The following OSBPL7 variants were observed in gnomAD, a reference collection of about 807,000 sequenced individuals.
OSBPL7 encodes oxysterol binding protein like 7.
A neutral mutation model predicts 115.8 loss-of-function variants in OSBPL7; 66 were observed. The ratio of observed to expected loss-of-function variants is 0.57; its 90% CI spans 0.47 to 0.70. The LOEUF is 0.70. Ranked by LOEUF, OSBPL7 falls within the 30% of genes least tolerant of loss-of-function variation. The pLI, the probability that OSBPL7 is intolerant of heterozygous loss-of-function variation, is 0.00. For missense variants in OSBPL7, 902 were observed against 1,125.5 expected, an observed-to-expected ratio of 0.80 and a Z score of 2.84; for synonymous variants, 441 against 439.2, an observed-to-expected ratio of 1.00 and a Z score of -0.05.
chr17:47,808,779 G>C lies in OSBPL7; in HGVS notation c.2297+85C>G, dbSNP rs775550646. 29 of 1,603,618 alleles carry C rather than the reference G, an allele frequency of 1.8e-5. No homozygotes were observed. Among genetic ancestry groups the C allele is most frequent in the Non-Finnish European group, 2.3e-5 (27 of 1,172,654 alleles). On this transcript the variant is annotated intron_variant, in intron 21 of 22. Coordinates refer to ENST00000007414, the MANE Select transcript of OSBPL7 (RefSeq NM_145798.3). This position sits in a 1 kb window ranked among gnomAD's most constrained non-coding sequence, Gnocchi z 6.1. ...AGCCCCACTTCTCTGAGGCCACTCA[G>C]TGAAGGAAGGACAAAGCCCCAGCTC...
In OSBPL7 at chr17:47,808,841, G is replaced by A. The variant is rs1188712886; in HGVS notation, c.2297+23C>T. The A allele has an allele frequency of 6.2e-7, 1 of 1,613,826 alleles. No homozygotes were observed. Among genetic ancestry groups the A allele is most frequent in the Non-Finnish European group, 8.5e-7 (1 of 1,179,848 alleles). Reference sequence around the variant, plus strand: ...GAGGGAGTGAACTAGATGGTTCTAGGCCGGCACCCATCCGGCACTGACCTC... The same window carrying A: ...GAGGGAGTGAACTAGATGGTTCTAGACCGGCACCCATCCGGCACTGACCTC... On this transcript the variant is annotated intron_variant, in intron 21 of 22. Transcript: ENST00000007414. The surrounding 1 kb of genome is among the most constrained non-coding windows in gnomAD (Gnocchi z 6.1).
chr17:47,816,487 A>C lies in OSBPL7; in HGVS notation c.929-5T>G. On this transcript the variant is annotated splice_region_variant and splice_polypyrimidine_tract_variant and intron_variant, in intron 10 of 22. Transcript: ENST00000007414. This position sits in a 1 kb window ranked among gnomAD's most constrained non-coding sequence, Gnocchi z 5.8. ...CGCTGCTGAGGGAGCTGTGCACTAC[A>C]GGGAGTGGGGCAGACCATCAGAGTC... 6.5e-7 allele frequency: 1 copy of C among 1,548,216 alleles called. No homozygotes were observed.
intron 12 of OSBPL7, 127 bp downstream of exon 12, chr17:47,815,980 T>G (rs1039275520): frequency 1.4e-6 from 1 of 710,198 alleles, no homozygotes; most frequent in Non-Finnish European, 2.3e-6. Flanking sequence ...GGAAAGACAA[T>G]GGAGCCAGGA....
chr17:47,819,555 T>A (rs1280247716), intron 4 of OSBPL7, 174 bp downstream of exon 4: 3 of 729,548 alleles, frequency 4.1e-6, no homozygotes, highest in Non-Finnish European at 7.1e-6. Flanking sequence ...TGCTCTCCCA[T>A]TAGAGGTGAG....
At chr17:47,815,787 C>T (rs2033195130) in intron 12 of OSBPL7, 1 of 332,968 alleles carries the variant, frequency 3.0e-6, no homozygotes, top group Non-Finnish European at 5.5e-6. Context: ...GTGCTCAGAG[C>T]CCGAGTCTCA....
chr17:47,821,525 C>T (rs1474595030), intron 1 of OSBPL7, 141 bp downstream of exon 1: 1 of 152,308 alleles, frequency 6.6e-6, no homozygotes, highest in Non-Finnish European at 1.5e-5. Flanking sequence ...GAGGGGGAGG[C>T]TCTATCGGTA....
At chr17:47,815,831 C>T (rs2033196589) in intron 12 of OSBPL7, 1 of 389,640 alleles carries the variant, frequency 2.6e-6, no homozygotes, top group South Asian at 4.3e-5. Flanking sequence ...GAGCCTGAGC[C>T]CACCCATTAG....
intron 5 of OSBPL7, 112 bp downstream of exon 5, chr17:47,818,874 A>C: frequency 1.0e-6 from 1 of 996,182 alleles, no homozygotes; most frequent in Non-Finnish European, 1.5e-6. Flanking sequence ...ACTTTTTGTC[A>C]AACTCAGAGA....
intron 20 of OSBPL7, 25 bp from the exon 21 acceptor site, chr17:47,809,015 C>T: frequency 6.2e-7 from 1 of 1,613,772 alleles, no homozygotes; most frequent in Non-Finnish European, 8.5e-7. Flanking sequence ...GGGGCTGGGG[C>T]AGGTGCACCA....
intron 18 of OSBPL7, among the ~76,000 whole-genome samples, chr17:47,810,105 C>T (rs2032994097): frequency 6.6e-6 from 1 of 152,108 alleles, no homozygotes; most frequent in Non-Finnish European, 1.5e-5. Context: ...GAACTCATGG[C>T]TTCTGACTCC....
At position 47,814,605 on chromosome 17, in the gene OSBPL7, C is replaced by T. The variant is rs2033154899; in HGVS notation, c.1267G>A (p.Glu423Lys). The T allele has an allele frequency of 2.5e-6, 4 of 1,613,734 alleles. No individual in the cohort carries two copies. The highest frequency in any genetic ancestry group is 1.3e-5 in the African/African-American group (1 of 74,932). Residue 423 changes from glutamate to lysine, a missense_variant, in exon 14 of 23, where the codon GAG becomes AAG. Physicochemically the swap from Glu to Lys is moderately conservative, Grantham distance 56. Around this residue, in one of 3 missense-constraint regions of OSBPL7, gnomAD observed 667 missense variants for 788.7 expected, o/e 0.85. Coordinates refer to ENST00000007414, the MANE Select transcript of OSBPL7 (RefSeq NM_145798.3). ...ASSSENEGSE[E>K]EESCTSEITT... ...ATTTCACTGGTACAGGACTCCTCCT[C>T]CTCTGAGCCCTGGGCCAGGACAGAT...
rs1478482074 is a variant in OSBPL7, at chr17:47,813,280, A to G, written c.1723T>C (p.Phe575Leu). 2 of 1,613,978 alleles carry G rather than the reference A, an allele frequency of 1.2e-6. No homozygotes were observed. The highest frequency in any genetic ancestry group is 1.7e-6 in the Non-Finnish European group (2 of 1,180,018). ...CAAGGCCATACCTGCTCACTGATGA[A>G]GCGGAAGCCTCGGTCAGGCCGCTCA... is the stretch of plus-strand genomic sequence containing the variant. Reference protein sequence around the residue: ...ECERPDRGFRFISEQVSHHPP... With the variant: ...ECERPDRGFRLISEQVSHHPP... The change falls in exon 16 of 23, where the codon TTC becomes CTC. Residue 575 changes from phenylalanine (F) to leucine (L), a missense_variant. Coordinates refer to ENST00000007414, the MANE Select transcript of OSBPL7 (RefSeq NM_145798.3).
At chr17:47,818,958 C>T (rs1429864006) in intron 5 of OSBPL7, 28 bp downstream of exon 5, 1 of 1,592,108 alleles carries the variant, frequency 6.3e-7, no homozygotes, top group Admixed American at 1.7e-5. Flanking sequence ...TGGGGGCCAA[C>T]ACACGTCCTG....
chr17:47,817,561 T>C (rs1206503087), intron 7 of OSBPL7, among the ~76,000 whole-genome samples: 2 of 151,968 alleles, frequency 1.3e-5, no homozygotes, highest in Non-Finnish European at 2.9e-5. Context: ...GGCTAATTTG[T>C]TGTATTTTTA....
intron 18 of OSBPL7, among the ~76,000 whole-genome samples, chr17:47,810,333 G>A (rs1046779107): frequency 6.6e-6 from 1 of 152,176 alleles, no homozygotes; most frequent in Non-Finnish European, 1.5e-5. Flanking sequence ...TGTGAGTCAT[G>A]GTCAAAAAAG....
In OSBPL7 at chr17:47,815,270, G is replaced by C; in HGVS notation, c.1202C>G (p.Thr401Arg). The part of the protein sequence containing the change: ...TSILSLADSH[T>R]EFFDACEVLL... ...AACCTCGCAGGCATCGAAGAACTCC[G>C]TGTGGGAATCAGCAAGGGACAGGAT... The change falls in exon 13 of 23, where the codon ACG becomes AGG. Residue 401 changes from threonine to arginine, a missense_variant. Thr to Arg is a moderately conservative substitution (Grantham distance 71, BLOSUM62 -1). Around this residue, in one of 3 missense-constraint regions of OSBPL7, gnomAD observed 667 missense variants for 788.7 expected, o/e 0.85. Transcript: ENST00000007414. The C allele has an allele frequency of 6.2e-7, 1 of 1,613,968 alleles. No homozygotes were observed. The highest frequency in any genetic ancestry group is 1.7e-5 in the Admixed American group (1 of 60,020).
In OSBPL7 at chr17:47,816,625, C is replaced by T. The variant is rs778087778; in HGVS notation, c.866G>A (p.Arg289His). The T allele has an allele frequency of 1.2e-5, 20 of 1,613,882 alleles. No homozygotes were observed. The highest frequency in any genetic ancestry group is 1.2e-4 in the Admixed American group (7 of 60,014). ...GGCATAGTCTGTGGGTGGCAGCCCACGGGTGCCCGAGGAGTCCCGAGACTC... is the reference window on the plus strand; with the variant it reads ...GGCATAGTCTGTGGGTGGCAGCCCATGGGTGCCCGAGGAGTCCCGAGACTC... ...YLESRDSSGT[R>H]GLPPTDYAHL... The change falls in exon 10 of 23, where the codon CGT (arginine) becomes CAT (histidine). Residue 289 changes from arginine (R) to histidine (H), a missense_variant. This residue lies in a region of OSBPL7 where 667 missense variants were observed against 788.7 expected (regional missense o/e 0.85). Transcript: ENST00000007414. This position sits in a 1 kb window ranked among gnomAD's most constrained non-coding sequence, Gnocchi z 5.8.
In OSBPL7 at chr17:47,820,321, G is replaced by C. The variant is rs527742235; in HGVS notation, c.-43C>G. On this transcript the variant is annotated 5_prime_UTR_variant, in exon 2 of 23. Transcript: ENST00000007414. ...CTCCCTGCTGGGGATGTAGAGCAGG[G>C]AGCAGGGTGGAAGGGGAAGGATGTC... is the stretch of plus-strand genomic sequence containing the variant. 19 of 1,590,440 alleles carry C rather than the reference G, an allele frequency of 1.2e-5. No individual in the cohort carries two copies. In the African/African-American group the frequency reaches 2.1e-4, roughly 18 times the overall value.
intron 12 of OSBPL7, 44 bp from the exon 13 acceptor site, chr17:47,815,396 G>T (rs754565090): frequency 6.2e-7 from 1 of 1,607,548 alleles, no homozygotes; most frequent in Non-Finnish European, 8.5e-7. Flanking sequence ...GGGCCAAGCC[G>T]GGGGGATCAA....
Sources: gnomAD v4.1 joint callset for allele counts (sites outside exome capture counted in the v4.1 genomes callset) on GRCh38, gnomAD v4.1.1 for gene constraint, gnomAD v4.1.1 regional missense constraint, Gnocchi (gnomAD v3.1) non-coding constraint, MANE v1.5 for transcripts, NCBI Gene and HGNC (gene_info 2026-07-23, HGNC 2026-07-21) for gene names.